Variants in IGFBP7 observed in about 807,000 individuals in gnomAD.
IGFBP7 encodes insulin-like growth factor-binding protein 7.
A neutral mutation model predicts 29.4 loss-of-function variants in IGFBP7; 31 were observed. That is an observed-to-expected ratio of 1.05 (90% confidence interval 0.79 to 1.42). IGFBP7 has a LOEUF of 1.42. Ranked by LOEUF, IGFBP7 falls within the 40% of genes most tolerant of loss-of-function variation. The pLI, the probability that IGFBP7 is intolerant of heterozygous loss-of-function variation, is 0.00. For synonymous variants in IGFBP7, 172 were observed against 174.9 expected, an observed-to-expected ratio of 0.98 and a Z score of 0.13; for missense variants, 393 against 395.5, an observed-to-expected ratio of 0.99 and a Z score of 0.05.
chr4:57,092,531 AATG>A (rs1725666101), intron 1 of IGFBP7, among the ~76,000 whole-genome samples: 1 of 152,128 alleles, frequency 6.6e-6, no homozygotes, highest in Non-Finnish European at 1.5e-5. Context: ...ATACAAATCT[AATG>A]ATAATTAACA....
intron 1 of IGFBP7, among the ~76,000 whole-genome samples, chr4:57,095,461 A>C (rs1725738952): frequency 6.6e-6 from 1 of 152,214 alleles, no homozygotes; most frequent in Non-Finnish European, 1.5e-5. Flanking sequence ...AGGTAGACTA[A>C]GATTAACCTT....
chr4:57,038,828 A>G (rs11573117), intron 2 of IGFBP7, among the ~76,000 whole-genome samples: 8,850 of 152,134 alleles, frequency 0.058, 341 homozygotes, highest in East Asian at 0.16. Context: ...GCACTTTGGG[A>G]GGGCAAGGTG....
At chr4:57,079,455 G>A (rs1714008) in intron 1 of IGFBP7, among the ~76,000 whole-genome samples, 77,098 of 151,926 alleles carry the variant, frequency 0.51, 20,946 homozygotes, top group Middle Eastern at 0.62. Flanking sequence ...ACATTAACAC[G>A]GTCCTCCTTT....
Position 57,032,529 on chromosome 4 carries a change from A to T in IGFBP7, c.726T>A (p.Asp242Glu), listed in dbSNP as rs747492345. ...ATGCATGGCACTCATATTCTCCAGCATCTTCCTTACTTAGAGGAGATACCT... is the reference window on the plus strand; with the variant it reads ...ATGCATGGCACTCATATTCTCCAGCTTCTTCCTTACTTAGAGGAGATACCT... ...WVLVSPLSKE[D>E]AGEYECHASN... Residue 242 changes from aspartate (D) to glutamate (E), a missense_variant, in exon 4 of 5, where the codon GAT (aspartate) becomes GAA (glutamate). Transcript: ENST00000295666. 1.2e-6 allele frequency: 2 copies of T among 1,614,008 alleles called. No homozygotes were observed. The highest frequency in any genetic ancestry group is 1.7e-6 in the Non-Finnish European group (2 of 1,179,900).
intron 1 of IGFBP7, among the ~76,000 whole-genome samples, chr4:57,107,322 C>T (rs1403148714): frequency 6.6e-6 from 1 of 152,304 alleles, no homozygotes; most frequent in South Asian, 2.1e-4. Flanking sequence ...CTGCCCCTAC[C>T]TGGCCCCTAC....
chr4:57,073,910 A>G (rs1342935938), intron 1 of IGFBP7, among the ~76,000 whole-genome samples: 7 of 152,198 alleles, frequency 4.6e-5, no homozygotes, highest in Admixed American at 2.6e-4. Context: ...AAGGTGAGGA[A>G]AAAGGGAAGA....
intron 2 of IGFBP7, among the ~76,000 whole-genome samples, chr4:57,039,065 CAAAAAAAAA>C (rs71208974): frequency 2.9e-3 from 304 of 106,454 alleles, no homozygotes; most frequent in African/African-American, 5.2e-3. Flanking sequence ...AACTATGTCT[CAAAAAAAAA>C]AAAAAAAAAA....
chr4:57,060,334 A>G (rs2109764711), intron 1 of IGFBP7, among the ~76,000 whole-genome samples: 1 of 152,310 alleles, frequency 6.6e-6, no homozygotes, highest in African/African-American at 2.4e-5. Flanking sequence ...ATCAACTCAA[A>G]GTTACAAGTT....
intron 2 of IGFBP7, among the ~76,000 whole-genome samples, chr4:57,038,671 T>G (rs11573120): frequency 1.3e-5 from 2 of 152,218 alleles, no homozygotes. Context: ...TATGCCCTTT[T>G]ACTTAAACTA....
At chr4:57,087,848 A>T (rs893469262) in intron 1 of IGFBP7, among the ~76,000 whole-genome samples, 10 of 152,238 alleles carry the variant, frequency 6.6e-5, no homozygotes, top group Admixed American at 3.3e-4. Flanking sequence ...GCCAATGATC[A>T]CTGTTAGTCA....
At chr4:57,109,691 G>C (rs1052110730) in intron 1 of IGFBP7, 186 bp downstream of exon 1, 15 of 664,564 alleles carry the variant, frequency 2.3e-5, no homozygotes, top group Non-Finnish European at 3.6e-5. Flanking sequence ...AGGAGAAGGG[G>C]GGGCGTCGCC....
intron 1 of IGFBP7, among the ~76,000 whole-genome samples, chr4:57,095,732 T>C (rs1725744413): frequency 6.6e-6 from 1 of 152,060 alleles, no homozygotes; most frequent in Non-Finnish European, 1.5e-5. Context: ...AGAGAGTAAC[T>C]ATAAGGGATA....
At chr4:57,090,802 T>C (rs1021516634) in intron 1 of IGFBP7, among the ~76,000 whole-genome samples, 1 of 152,056 alleles carries the variant, frequency 6.6e-6, no homozygotes, top group Non-Finnish European at 1.5e-5. Flanking sequence ...TGAGCTGAGA[T>C]TGCACCATTG....
chr4:57,105,802 C>G (rs746161405), intron 1 of IGFBP7, among the ~76,000 whole-genome samples: 2 of 152,010 alleles, frequency 1.3e-5, no homozygotes, highest in Non-Finnish European at 2.9e-5. Flanking sequence ...ATGCATAGCT[C>G]TAGAAGAACA....
intron 1 of IGFBP7, among the ~76,000 whole-genome samples, chr4:57,068,513 C>A (rs538537292): frequency 6.6e-6 from 1 of 151,952 alleles, no homozygotes; most frequent in Admixed American, 6.6e-5. Flanking sequence ...ACATCAGTAA[C>A]GGCAGAGAAA....
intron 1 of IGFBP7, among the ~76,000 whole-genome samples, chr4:57,082,403 T>C (rs1725390648): frequency 6.6e-6 from 1 of 152,138 alleles, no homozygotes; most frequent in Non-Finnish European, 1.5e-5. Flanking sequence ...TGAAATCTCT[T>C]AGACTAAGAT....
chr4:57,047,278 C>A (rs191286622), intron 1 of IGFBP7, among the ~76,000 whole-genome samples: 2 of 152,320 alleles, frequency 1.3e-5, no homozygotes, highest in African/African-American at 4.8e-5. Context: ...ACATGCTGTC[C>A]TGCCTGCTGC....
chr4:57,072,891 C>T (rs998261135), intron 1 of IGFBP7: 7 of 679,122 alleles, frequency 1.0e-5, no homozygotes, highest in East Asian at 6.5e-5. Context: ...AAGTTCCTCA[C>T]GCCCTGCTAC....
At chr4:57,060,920 T>C (rs1157405730) in intron 1 of IGFBP7, among the ~76,000 whole-genome samples, 3 of 151,298 alleles carry the variant, frequency 2.0e-5, no homozygotes, top group Non-Finnish European at 4.4e-5. Flanking sequence ...AAGTTTTTTT[T>C]CCTGTAGTCC....
Sources: allele counts gnomAD v4.1 joint callset (sites outside exome capture counted in the v4.1 genomes callset), GRCh38; gene constraint gnomAD v4.1.1; transcripts MANE v1.5; gene names NCBI Gene and HGNC (gene_info 2026-07-23, HGNC 2026-07-21).